MOB1B: variants seen among roughly 807,000 people sequenced by gnomAD.
MOB1B encodes MOB1 Mps One Binder homolog B.
MOB1B carries 19 observed loss-of-function variants against 24.4 expected under a neutral mutation model. The observed-to-expected ratio is 0.78, with a 90% CI of 0.54 to 1.14. The LOEUF is 1.14. Among genes scored for constraint, MOB1B ranks in the 50% most tolerant of loss-of-function variants. The pLI is 0.00. For synonymous variants in MOB1B, 76 were observed against 82.1 expected (o/e 0.93, Z 0.40); for missense variants, 243 against 259.6 (o/e 0.94, Z 0.44).
chr4:70,946,057 C>G (rs1578376778), intron 1 of MOB1B, among the ~76,000 whole-genome samples: 1 of 139,586 alleles, frequency 7.2e-6, no homozygotes, highest in Non-Finnish European at 1.5e-5. Flanking sequence ...CAGGCAAATG[C>G]TTTGGCTAAG....
intron 3 of MOB1B, 67 bp from the exon 4 acceptor site, chr4:70,975,086 A>G (rs1738925703): frequency 1.7e-6 from 2 of 1,183,770 alleles, no homozygotes; most frequent in African/African-American, 1.6e-5. Context: ...ATATAGATAC[A>G]TAAAATATAT....
At position 70,982,056 on chromosome 4, in the gene MOB1B, A is replaced by G. The variant is rs375541608; in HGVS notation, c.650A>G (p.Ter217=). 110 of 1,605,032 alleles carry G rather than the reference A, an allele frequency of 6.9e-5. No homozygotes were observed. The highest frequency in any genetic ancestry group is 9.0e-5 in the Non-Finnish European group (106 of 1,172,398). The part of the protein sequence containing the change: ...LIEKLTSKDR[*] ...GAAAAACTCACCTCAAAAGACAGATAAAAGGATGCAGAGCTGTGCAAATTG... is the reference window on the plus strand; with the variant it reads ...GAAAAACTCACCTCAAAAGACAGATGAAAGGATGCAGAGCTGTGCAAATTG... The change falls in exon 6 of 6, where the codon TAA becomes TGA. Residue 217 remains the stop codon, a stop_retained_variant. Coordinates refer to ENST00000309395, the MANE Select transcript of MOB1B (RefSeq NM_173468.4).
rs576721531 is a variant in MOB1B at position 70,902,420 on chromosome 4, G to C, written c.-117G>C. The C allele has an allele frequency of 1.1e-5, 13 of 1,160,240 alleles. No individual in the cohort carries two copies. Among genetic ancestry groups the C allele is most frequent in the East Asian group, 7.7e-5 (3 of 38,932 alleles). 71.9% of individuals were successfully genotyped at this position (1,160,240 alleles called of 1,614,324 possible). ...TGCGGCCACCGAGCAGCCGGCTCTC[G>C]GCACCTCCTCCTCCGCCTCCCTGTC... On this transcript the variant is annotated 5_prime_UTR_variant, in exon 1 of 6. Coordinates refer to ENST00000309395, the MANE Select transcript of MOB1B (RefSeq NM_173468.4).
rs148267013 is a variant in MOB1B, at chr4:70,935,035, A to G, written c.15-23839A>G. 4.6e-3 allele frequency among the ~76,000 whole-genome samples: 702 copies of G among 152,254 alleles called. 9 individuals are homozygous for G. The highest frequency in any genetic ancestry group is 0.016 in the African/African-American group (668 of 41,556). On this transcript the variant is annotated intron_variant, in intron 1 of 5. Transcript: ENST00000309395. ...CTGTAGCCTCCCACTTCTGGGCTCA[A>G]ATGATCCTTCTGCCTAGCTGGGACT... is the stretch of plus-strand genomic sequence containing the variant.
At position 70,983,628 on chromosome 4, in the gene MOB1B, C is replaced by T. The variant is rs1008152979; in HGVS notation, c.*1571C>T. On this transcript the variant is annotated 3_prime_UTR_variant, in exon 6 of 6. Transcript: ENST00000309395. ...TCACATCTAGGAAGAAATGCTTGCT[C>T]TGAAATAGTATAGATTAAAAACACT... is the stretch of plus-strand genomic sequence containing the variant. 1 of 152,404 alleles carries T rather than the reference C, an allele frequency of 6.6e-6. No homozygotes were observed. Among genetic ancestry groups the T allele is most frequent in the Non-Finnish European group, 1.5e-5 (1 of 67,946 alleles). The allele number at this position is 152,404 out of a possible 1,614,324, so 9.4% of individuals were successfully genotyped here. A position where few individuals can be genotyped will look rare whatever the true frequency, so the allele number is the denominator to read the frequency against.
Position 70,985,078 on chromosome 4 carries a change from C to T in MOB1B, c.*3021C>T, listed in dbSNP as rs181542703. 2.1e-4 allele frequency: 32 copies of T among 151,996 alleles called. 3 individuals carry two copies. Among genetic ancestry groups the T allele is most frequent in the Admixed American group, 2.0e-3 (30 of 15,268 alleles). 9.4% of individuals were successfully genotyped at this position (151,996 alleles called of 1,614,324 possible). Reference sequence around the variant, plus strand: ...CAGGATGGATAAAACACTACAGTCTCTTATCAGGAAATAGAGATGATGTGG... The same window carrying T: ...CAGGATGGATAAAACACTACAGTCTTTTATCAGGAAATAGAGATGATGTGG... On this transcript the variant is annotated 3_prime_UTR_variant, in exon 6 of 6. Transcript: ENST00000309395.
At position 70,908,114 on chromosome 4, in the gene MOB1B, C is replaced by T. The variant is rs1212011086; in HGVS notation, c.14+5564C>T. ...GATCTCGGCTCACTGCAACCTCCAC[C>T]TCCCGGGTTCACGCCATTCTCCTGC... is the stretch of plus-strand genomic sequence containing the variant. On this transcript the variant is annotated intron_variant, in intron 1 of 5. Coordinates refer to ENST00000309395, the MANE Select transcript of MOB1B (RefSeq NM_173468.4). 3.3e-5 allele frequency among the ~76,000 whole-genome samples: 5 copies of T among 151,760 alleles called. No individual in the cohort carries two copies. The East Asian group carries it at 9.8e-4, about 30-fold the overall frequency.
chr4:70,933,043 A>G (rs181036804), intron 1 of MOB1B, among the ~76,000 whole-genome samples: 20 of 152,304 alleles, frequency 1.3e-4, no homozygotes, highest in African/African-American at 4.3e-4. Flanking sequence ...CTGACTCCCA[A>G]TTCCACAGGC....
intron 2 of MOB1B, among the ~76,000 whole-genome samples, chr4:70,964,926 G>A (rs560413974): frequency 1.6e-4 from 23 of 145,038 alleles, no homozygotes; most frequent in Admixed American, 4.1e-4. Flanking sequence ...GTGAAACTCC[G>A]TCTCAAAAAA....
chr4:70,951,095 T>G (rs1737783949), intron 1 of MOB1B, among the ~76,000 whole-genome samples: 1 of 152,198 alleles, frequency 6.6e-6, no homozygotes. Flanking sequence ...GCTTTTAATT[T>G]TGAATAAATT....
chr4:70,907,487 T>G (rs1156719040), intron 1 of MOB1B, among the ~76,000 whole-genome samples: 1 of 152,210 alleles, frequency 6.6e-6, no homozygotes, highest in Non-Finnish European at 1.5e-5. Context: ...GGCTACTTAT[T>G]TGGAACGGAG....
At chr4:70,921,460 C>T (rs1736432742) in intron 1 of MOB1B, among the ~76,000 whole-genome samples, 1 of 150,054 alleles carries the variant, frequency 6.7e-6, no homozygotes, top group Admixed American at 6.7e-5. Context: ...TTCTTTCTTT[C>T]TTTTCTTCTC....
intron 1 of MOB1B, among the ~76,000 whole-genome samples, chr4:70,916,297 TCATGGTCACAC>T (rs1197018506): frequency 6.6e-6 from 1 of 152,232 alleles, no homozygotes; most frequent in Non-Finnish European, 1.5e-5. Context: ...TACGGTGTCC[TCATGGTCACAC>T]ATTTCTTTCA....
intron 1 of MOB1B, among the ~76,000 whole-genome samples, chr4:70,955,096 T>A (rs1737987100): frequency 6.6e-6 from 1 of 152,178 alleles, no homozygotes; most frequent in South Asian, 2.1e-4. Flanking sequence ...TAGATTTTAT[T>A]TTTTCTACCA....
chr4:70,980,484 T>A (rs1739165728), intron 5 of MOB1B, among the ~76,000 whole-genome samples: 1 of 152,188 alleles, frequency 6.6e-6, no homozygotes, highest in Non-Finnish European at 1.5e-5. Flanking sequence ...CCACATCTGA[T>A]TCTGTTTGTA....
intron 5 of MOB1B, among the ~76,000 whole-genome samples, chr4:70,980,814 C>G (rs1443791597): frequency 6.6e-6 from 1 of 152,142 alleles, no homozygotes; most frequent in Non-Finnish European, 1.5e-5. Context: ...ATATGTATAC[C>G]TCTAGGCCTG....
intron 4 of MOB1B, among the ~76,000 whole-genome samples, chr4:70,977,995 T>C (rs1384985115): frequency 6.6e-6 from 1 of 152,182 alleles, no homozygotes; most frequent in Non-Finnish European, 1.5e-5. Flanking sequence ...TTCAGTACAC[T>C]AAGTACACTA....
intron 1 of MOB1B, among the ~76,000 whole-genome samples, chr4:70,904,587 C>T (rs757021578): frequency 9.9e-5 from 15 of 151,622 alleles, no homozygotes; most frequent in Non-Finnish European, 7.4e-5. Context: ...GGTGAAACCC[C>T]GTCTCTACTA....
At chr4:70,916,847 G>A (rs559745817) in intron 1 of MOB1B, among the ~76,000 whole-genome samples, 31 of 152,276 alleles carry the variant, frequency 2.0e-4, no homozygotes, top group Non-Finnish European at 3.1e-4. Flanking sequence ...GGGATTACAG[G>A]CATGAGCCAC....
Sources: allele counts gnomAD v4.1 joint callset (sites outside exome capture counted in the v4.1 genomes callset), GRCh38; gene constraint gnomAD v4.1.1; transcripts MANE v1.5; gene names NCBI Gene and HGNC (gene_info 2026-07-23, HGNC 2026-07-21).